Variants in SORCS1 observed in about 807,000 individuals in gnomAD.
SORCS1 encodes the protein VPS10 domain-containing receptor SorCS1.
A neutral mutation model predicts 146.1 loss-of-function variants in SORCS1; 60 were observed. That is an observed-to-expected ratio of 0.41 (90% confidence interval 0.33 to 0.51). SORCS1 has a LOEUF of 0.51. Ranked by LOEUF, SORCS1 falls within the 20% of genes least tolerant of loss-of-function variation. The probability of loss-of-function intolerance (pLI) is 0.21; values close to 1 mark genes in which losing one functional copy is unlikely to be tolerated. For synonymous variants in SORCS1, 637 were observed against 584.0 expected (o/e 1.09, Z -1.31); for missense variants, 1,352 against 1,487.6 (o/e 0.91, Z 1.50).
In SORCS1 at chr10:106,960,381, T is replaced by G. The variant is rs1015103951; in HGVS notation, c.559-3801A>C. 2.0e-5 allele frequency among the ~76,000 whole-genome samples: 3 copies of G among 152,072 alleles called. No individual in the cohort carries two copies. Among genetic ancestry groups the G allele is most frequent in the African/African-American group, 4.8e-5 (2 of 41,402 alleles). On this transcript the variant is annotated intron_variant, in intron 1 of 25. Coordinates refer to ENST00000263054, the MANE Select transcript of SORCS1 (RefSeq NM_052918.5). The surrounding 1 kb of genome is among the most constrained non-coding windows in gnomAD (Gnocchi z 4.4). Reference sequence around the variant, plus strand: ...ACACAACTTTTGGGAGGAACTTCACTTGGTCCATACGTTTTCTCTTTTTCT... The same window carrying G: ...ACACAACTTTTGGGAGGAACTTCACGTGGTCCATACGTTTTCTCTTTTTCT...
At chr10:106,722,148 C>CAT (rs1554909677) in intron 6 of SORCS1, among the ~76,000 whole-genome samples, 3 of 148,668 alleles carry the variant, frequency 2.0e-5, no homozygotes, top group South Asian at 4.3e-4. Flanking sequence ...CACACACACA[C>CAT]ATATATATAT....
intron 2 of SORCS1, among the ~76,000 whole-genome samples, chr10:106,841,453 G>T (rs984690275): frequency 6.7e-6 from 1 of 150,330 alleles, no homozygotes; most frequent in African/African-American, 2.5e-5. Context: ...CTGGGCGACA[G>T]AGTGAGACTC....
At chr10:106,843,032 T>C (rs1005451460) in intron 2 of SORCS1, among the ~76,000 whole-genome samples, 1 of 152,236 alleles carries the variant, frequency 6.6e-6, no homozygotes, top group African/African-American at 2.4e-5. Context: ...CATATAGGTA[T>C]ACATTTTGAA....
chr10:106,879,047 G>A (rs574436729), intron 2 of SORCS1, among the ~76,000 whole-genome samples: 1 of 151,922 alleles, frequency 6.6e-6, no homozygotes, highest in South Asian at 2.1e-4. Flanking sequence ...CTACTCGGGG[G>A]GCTGAGGCAG....
At chr10:106,762,600 T>C (rs1000024053) in intron 4 of SORCS1, among the ~76,000 whole-genome samples, 3 of 151,658 alleles carry the variant, frequency 2.0e-5, no homozygotes, top group African/African-American at 2.4e-5. Flanking sequence ...GGTTTCACCA[T>C]GTTAGTCAGG....
chr10:106,796,693 G>A (rs940246690), intron 3 of SORCS1, among the ~76,000 whole-genome samples: 1 of 152,126 alleles, frequency 6.6e-6, no homozygotes. Flanking sequence ...GCAGAGTTTG[G>A]GAACTAGAAA....
At chr10:106,777,607 T>A (rs1057193086) in intron 3 of SORCS1, among the ~76,000 whole-genome samples, 3 of 152,180 alleles carry the variant, frequency 2.0e-5, no homozygotes, top group Admixed American at 2.0e-4. Flanking sequence ...TACGTAAAAA[T>A]TCACAGCTTC....
intron 1 of SORCS1, among the ~76,000 whole-genome samples, chr10:107,112,299 T>G (rs1417350691): frequency 6.6e-6 from 1 of 152,058 alleles, no homozygotes; most frequent in Non-Finnish European, 1.5e-5. Flanking sequence ...ATAAGGTAAT[T>G]TGTTATCAGC....
intron 1 of SORCS1, among the ~76,000 whole-genome samples, chr10:106,976,290 T>G (rs111507406): frequency 0.28 from 42,245 of 148,478 alleles, 6,218 homozygotes; most frequent in Middle Eastern, 0.35. Context: ...ATATGTGCCA[T>G]GGTGGTTTGC....
At chr10:107,138,066 T>C (rs2134691463) in intron 1 of SORCS1, among the ~76,000 whole-genome samples, 1 of 152,272 alleles carries the variant, frequency 6.6e-6, no homozygotes, top group African/African-American at 2.4e-5. Flanking sequence ...ATCACAATAA[T>C]CACAGCCAAA....
At chr10:107,004,125 G>T (rs181471836) in intron 1 of SORCS1, among the ~76,000 whole-genome samples, 1 of 139,792 alleles carries the variant, frequency 7.2e-6, no homozygotes, top group Admixed American at 7.5e-5. Flanking sequence ...GCACTGAGCC[G>T]AGATTGCGCC....
intron 1 of SORCS1, among the ~76,000 whole-genome samples, chr10:107,099,132 T>A (rs1964742638): frequency 6.6e-6 from 1 of 152,200 alleles, no homozygotes; most frequent in Non-Finnish European, 1.5e-5. Context: ...CCAGAGGATG[T>A]AAAGAAGGAA....
chr10:106,744,959 G>A (rs373806383), intron 5 of SORCS1, among the ~76,000 whole-genome samples: 2 of 152,102 alleles, frequency 1.3e-5, no homozygotes, highest in African/African-American at 4.8e-5. Context: ...TGCTTCTGAC[G>A]TCTCCATTCC....
At position 106,749,185 on chromosome 10, in the gene SORCS1, T is replaced by C. The variant is rs539371125; in HGVS notation, c.959+12403A>G. Among the ~76,000 whole-genome samples, 482 of 152,328 alleles carry C rather than the reference T, an allele frequency of 3.2e-3. 6 individuals are homozygous for C. Among genetic ancestry groups the C allele is most frequent in the Non-Finnish European group, 2.0e-3 (137 of 68,028 alleles). ...TATTACAATTCACCAATAGGAAATA[T>C]GAGATTTGGAAGGCAGGAAAGGGGC... On this transcript the variant is annotated intron_variant, in intron 5 of 25. Transcript: ENST00000263054.
rs183087150 is a variant in SORCS1 at position 107,056,208 on chromosome 10, T to C, written c.559-99628A>G. Reference sequence around the variant, plus strand: ...TGAGAAAGGACCTCAGAAAGGAGCCTAGATGAAGCAATGTACTTTTATGGT... The same window carrying C: ...TGAGAAAGGACCTCAGAAAGGAGCCCAGATGAAGCAATGTACTTTTATGGT... On this transcript the variant is annotated intron_variant, in intron 1 of 25. Coordinates refer to ENST00000263054, the MANE Select transcript of SORCS1 (RefSeq NM_052918.5). 9.8e-5 allele frequency among the ~76,000 whole-genome samples: 15 copies of C among 152,288 alleles called. No homozygotes were observed. The East Asian group carries it at 2.1e-3, about 22-fold the overall frequency.
intron 1 of SORCS1, among the ~76,000 whole-genome samples, chr10:107,061,149 G>A (rs982165659): frequency 1.3e-5 from 2 of 152,120 alleles, no homozygotes; most frequent in African/African-American, 4.8e-5. Flanking sequence ...TAATCTGATG[G>A]TGTTTAACGA....
At chr10:106,789,603 C>T (rs1302865664) in intron 3 of SORCS1, among the ~76,000 whole-genome samples, 1 of 152,180 alleles carries the variant, frequency 6.6e-6, no homozygotes, top group Non-Finnish European at 1.5e-5. Context: ...CTGAAACCAC[C>T]TCAGCCTGGA....
chr10:107,074,572 T>C (rs79878415), intron 1 of SORCS1, among the ~76,000 whole-genome samples: 2,686 of 152,268 alleles, frequency 0.018, 68 homozygotes, highest in African/African-American at 0.06. Context: ...AGGAGTGCAA[T>C]TGCTGGATCA....
At chr10:106,844,372 A>G (rs571114764) in intron 2 of SORCS1, among the ~76,000 whole-genome samples, 30 of 152,208 alleles carry the variant, frequency 2.0e-4, no homozygotes, top group African/African-American at 7.2e-4. Flanking sequence ...AAATTAAAAT[A>G]AAATCATTTC....
Sources: gnomAD v4.1 joint callset for allele counts (sites outside exome capture counted in the v4.1 genomes callset) on GRCh38, gnomAD v4.1.1 for gene constraint, Gnocchi (gnomAD v3.1) non-coding constraint, MANE v1.5 for transcripts, NCBI Gene and HGNC (gene_info 2026-07-23, HGNC 2026-07-21) for gene names.